The following PDLIM7 variants were observed in gnomAD, a reference collection of about 807,000 sequenced individuals.
The protein encoded by PDLIM7 is PDZ and LIM domain protein 7.
A neutral mutation model predicts 53.9 loss-of-function variants in PDLIM7; 37 were observed. The observed-to-expected ratio is 0.69, with a 90% CI of 0.53 to 0.90. The LOEUF (loss-of-function observed/expected upper bound fraction) is 0.90. Among genes scored for constraint, PDLIM7 ranks in the 40% least tolerant of loss-of-function variants. The pLI is 0.00. For missense variants in PDLIM7, 617 were observed against 638.5 expected, an observed-to-expected ratio of 0.97 and a Z score of 0.36; for synonymous variants, 300 against 261.3, an observed-to-expected ratio of 1.15 and a Z score of -1.43.
At position 177,492,418 on chromosome 5, in the gene PDLIM7, C is replaced by T. The variant is rs976794570; in HGVS notation, c.266G>A (p.Ser89Asn). 2.5e-6 allele frequency: 4 copies of T among 1,613,540 alleles called. No individual in the cohort carries two copies. The Admixed American group carries it at 5.0e-5, about 20-fold the overall frequency. Residue 89 changes from serine (S) to asparagine (N), a missense_variant, in exon 4 of 13, where the codon AGC (serine) becomes AAC (asparagine). Physicochemically the swap from Ser to Asn is conservative, Grantham distance 46. Coordinates refer to ENST00000355841, the MANE Select transcript of PDLIM7 (RefSeq NM_005451.5). Reference sequence around the variant, plus strand: ...CCAGCCTCGTACCTTCTGCGGTTTGCTCTGAACCGGCTGGGCCCTGGAGGA... The same window carrying T: ...CCAGCCTCGTACCTTCTGCGGTTTGTTCTGAACCGGCTGGGCCCTGGAGGA... The part of the protein sequence containing the change: ...LGLSRAQPVQ[S>N]KPQKASAPAA...
intron 5 of PDLIM7, 25 bp downstream of exon 5, chr5:177,491,782 C>T (rs1169957941): frequency 3.6e-6 from 4 of 1,108,020 alleles, no homozygotes; most frequent in South Asian, 3.3e-5. Context: ...ATGGCGTGGG[C>T]GCGGGCGGGC....
chr5:177,488,475 G>C (rs753023883), intron 9 of PDLIM7, among the ~76,000 whole-genome samples: 1 of 152,226 alleles, frequency 6.6e-6, no homozygotes, highest in Non-Finnish European at 1.5e-5. Context: ...GGCAGCTTTA[G>C]AGCAGGGAGG....
intron 1 of PDLIM7, among the ~76,000 whole-genome samples, 194 bp downstream of exon 1, chr5:177,497,321 CCGGCCGCAGGAAG>C (rs1426559855): frequency 6.6e-6 from 1 of 152,132 alleles, no homozygotes; most frequent in Non-Finnish European, 1.5e-5. Context: ...TAGACTGGCC[CCGGCCGCAGGAAG>C]CGGCGCAGGC....
At chr5:177,489,299 C>T (rs1224584345) in intron 9 of PDLIM7, 94 bp downstream of exon 9, 4 of 957,994 alleles carry the variant, frequency 4.2e-6, no homozygotes, top group Admixed American at 2.6e-5. Context: ...TCCTTATTCC[C>T]CCCAGTCGCA....
In PDLIM7 at chr5:177,491,015, T is replaced by G; in HGVS notation, c.530A>C (p.Glu177Ala). The G allele has an allele frequency of 6.2e-7, 1 of 1,613,612 alleles. No homozygotes were observed. The change falls in exon 6 of 13, where the codon GAG becomes GCG. Residue 177 changes from glutamate (E) to alanine (A), a missense_variant. Physicochemically the swap from Glu to Ala is moderately radical, Grantham distance 107. Coordinates refer to ENST00000355841, the MANE Select transcript of PDLIM7 (RefSeq NM_005451.5). ...TGCCCTGGGCTGGCACTTACTGAAC[T>G]CGGTGCCTGTGAGGTGGGCAAGGAT... is the stretch of plus-strand genomic sequence containing the variant. ...FRILAHLTGT[E>A]FMQDPDEEHL...
At chr5:177,486,232 A>AT (rs1013844587) in intron 10 of PDLIM7, among the ~76,000 whole-genome samples, 2 of 152,088 alleles carry the variant, frequency 1.3e-5, no homozygotes, top group Non-Finnish European at 2.9e-5. Context: ...AAATCTTCTG[A>AT]TTTTTTAAAT....
At position 177,492,562 on chromosome 5, in the gene PDLIM7, C is replaced by T. The variant is rs754501310; in HGVS notation, c.212G>A (p.Arg71Gln). Residue 71 changes from arginine (R) to glutamine (Q), a missense_variant, in exon 3 of 13, where the codon CGG becomes CAG. Arg to Gln is a conservative substitution (Grantham distance 43). Transcript: ENST00000355841. ...LTHIEAQNKIRACGERLSLGL... is the reference protein window; with the variant it reads ...LTHIEAQNKIQACGERLSLGL... ...CAGGCTGAGGCGCTCCCCGCAGGCCCGGATCTTGTTCTGAGCTTCGATGTG... is the reference window on the plus strand; with the variant it reads ...CAGGCTGAGGCGCTCCCCGCAGGCCTGGATCTTGTTCTGAGCTTCGATGTG... 3 of 1,613,584 alleles carry T rather than the reference C, an allele frequency of 1.9e-6. No individual in the cohort carries two copies. The highest frequency in any genetic ancestry group is 2.5e-6 in the Non-Finnish European group (3 of 1,179,766).
intron 1 of PDLIM7, among the ~76,000 whole-genome samples, chr5:177,497,181 G>A (rs1581768185): frequency 6.6e-6 from 1 of 151,996 alleles, no homozygotes; most frequent in African/African-American, 2.4e-5. Flanking sequence ...ATGGGGGCTG[G>A]GACCCTCAAG....
intron 2 of PDLIM7, among the ~76,000 whole-genome samples, chr5:177,493,491 G>A (rs1581763610): frequency 6.6e-6 from 1 of 152,242 alleles, no homozygotes; most frequent in Non-Finnish European, 1.5e-5. Flanking sequence ...TGAGGAAGCG[G>A]TGGGCCTCGG....
intron 12 of PDLIM7, 28 bp from the exon 13 acceptor site, chr5:177,483,758 G>C: frequency 6.3e-7 from 1 of 1,593,936 alleles, no homozygotes; most frequent in Non-Finnish European, 8.6e-7. Flanking sequence ...CCAGTCACAT[G>C]GGGTTGGGGG....
chr5:177,488,208 C>T lies in PDLIM7; in HGVS notation c.910G>A (p.Glu304Lys). Residue 304 changes from glutamate (E) to lysine (K), a missense_variant, in exon 10 of 13, where the codon GAG becomes AAG. Transcript: ENST00000355841. The stretch of plus-strand genomic sequence containing the variant: ...CCACACTGGCTACACACAAACTCCT[C>T]CGGGTGGTACGCGTGGCCCAGCGCC... ...LVALGHAYHP[E>K]EFVCSQCGKV... 1 of 1,612,020 alleles carries T rather than the reference C, an allele frequency of 6.2e-7. No homozygotes were observed. Among genetic ancestry groups the T allele is most frequent in the Non-Finnish European group, 8.5e-7 (1 of 1,179,272 alleles).
At chr5:177,491,683 AG>A in intron 5 of PDLIM7, 123 bp downstream of exon 5, 1 of 657,234 alleles carries the variant, frequency 1.5e-6, no homozygotes, top group East Asian at 3.1e-5. Context: ...CCCGGCCGCC[AG>A]GGGGCGCTGC....
In PDLIM7 at chr5:177,488,218, C is replaced by T. The variant is rs370206138; in HGVS notation, c.900G>A (p.Ala300=). 30 of 1,610,010 alleles carry T rather than the reference C, an allele frequency of 1.9e-5. No homozygotes were observed. The highest frequency in any genetic ancestry group is 1.1e-4 in the East Asian group (5 of 44,764). ...RGRYLVALGH[A]YHPEEFVCSQ... is the part of the protein sequence containing the mutation. ...TACACACAAACTCCTCCGGGTGGTA[C>T]GCGTGGCCCAGCGCCACCAGGTAGC... The change falls in exon 10 of 13, where the codon GCG becomes GCA. Residue 300 remains alanine, a synonymous_variant. Coordinates refer to ENST00000355841, the MANE Select transcript of PDLIM7 (RefSeq NM_005451.5).
chr5:177,491,513 G>A (rs970967032), intron 5 of PDLIM7: 1 of 1,028,532 alleles, frequency 9.7e-7, no homozygotes, highest in Non-Finnish European at 1.5e-6. Flanking sequence ...AACAGCCGGG[G>A]ACAAGGCGGC....
Position 177,489,644 on chromosome 5 carries a change from C to G in PDLIM7, c.635-17G>C. On this transcript the variant is annotated splice_polypyrimidine_tract_variant and intron_variant, in intron 8 of 12. Transcript: ENST00000355841. ...CGGTAGGGCCTGCCGGGGAAAGTGA[C>G]TCTAAAGGGGTGCCCAGGGACCCCA... The G allele has an allele frequency of 6.4e-7, 1 of 1,562,314 alleles. No individual in the cohort carries two copies.
At position 177,491,080 on chromosome 5, in the gene PDLIM7, CCA is replaced by C; in HGVS notation, c.463_464del (p.Trp155AlafsTer29). 1 of 1,612,242 alleles carries C rather than the reference CCA, an allele frequency of 6.2e-7. No individual in the cohort carries two copies. The highest frequency in any genetic ancestry group is 1.7e-4 in the Middle Eastern group (1 of 6,052). On this transcript the variant is annotated frameshift_variant, in exon 6 of 13. Transcript: ENST00000355841. LOFTEE classifies it high-confidence loss of function. ...ACTGGCCTGTCCCCGGCCGCGGCCG[CCA>C]GTCCTCTGTGTTCTCCATCAGCCGC... is the stretch of plus-strand genomic sequence containing the variant. ...KQRLMENTED[W>X]RPRPGTGQSR... is the part of the protein sequence containing the mutation.
intron 6 of PDLIM7, 27 bp downstream of exon 6, chr5:177,490,983 T>C: frequency 1.2e-6 from 2 of 1,613,668 alleles, no homozygotes; most frequent in Non-Finnish European, 1.7e-6. Flanking sequence ...GCGAGGAAAG[T>C]ACCCCCTGCC....
At chr5:177,497,043 A>AGGGGC (rs1561708208) in intron 1 of PDLIM7, among the ~76,000 whole-genome samples, 2 of 110,286 alleles carry the variant, frequency 1.8e-5, no homozygotes, top group Non-Finnish European at 1.9e-5. Flanking sequence ...AGGGGAGGGG[A>AGGGGC]GGGAGGCGGC....
At chr5:177,490,115 A>AGGGCC in intron 7 of PDLIM7, 1 of 1,512,828 alleles carries the variant, frequency 6.6e-7, no homozygotes, top group Non-Finnish European at 8.8e-7. Context: ...ATGGCAGGGC[A>AGGGCC]GGGCCCCTTT....
Sources: allele counts gnomAD v4.1 joint callset (sites outside exome capture counted in the v4.1 genomes callset), GRCh38; gene constraint gnomAD v4.1.1; transcripts MANE v1.5; gene names NCBI Gene and HGNC (gene_info 2026-07-23, HGNC 2026-07-21).